Variants in NHSL1 observed in about 807,000 individuals in gnomAD.
The protein encoded by NHSL1 is NHS-like protein 1.
NHSL1 carries 48 observed loss-of-function variants against 95.0 expected under a neutral mutation model. The observed-to-expected ratio is 0.51, with a 90% confidence interval of 0.40 to 0.64. NHSL1 has a LOEUF of 0.64. Among genes scored for constraint, NHSL1 ranks in the 30% least tolerant of loss-of-function variants. NHSL1 has a pLI of 0.00. For synonymous variants in NHSL1, 783 were observed against 833.9 expected, an observed-to-expected ratio of 0.94 and a Z score of 1.05; for missense variants, 1,971 against 2,077.7, an observed-to-expected ratio of 0.95 and a Z score of 1.00.
Position 138,432,796 on chromosome 6 carries a change from G to C in NHSL1, c.1549C>G (p.Pro517Ala). 6.4e-7 allele frequency: 1 copy of C among 1,551,642 alleles called. No homozygotes were observed. Among genetic ancestry groups the C allele is most frequent in the Non-Finnish European group, 8.7e-7 (1 of 1,146,964 alleles). ...ANRENGSQAM[P>A]YNCRNNLAFP... Reference sequence around the variant, plus strand: ...GCCAGGTTGTTTCTACAATTATACGGCATAGCTTGGGACCCATTCTCCCTA... The same window carrying C: ...GCCAGGTTGTTTCTACAATTATACGCCATAGCTTGGGACCCATTCTCCCTA... Residue 517 changes from proline to alanine, a missense_variant, in exon 6 of 8, where the codon CCG (proline) becomes GCG (alanine). Physicochemically the swap from Pro to Ala is conservative, Grantham distance 27 (BLOSUM62 -1). Transcript: ENST00000343505. The surrounding 1 kb of genome is among the most constrained non-coding windows in gnomAD (Gnocchi z 4.4).
At chr6:138,492,874 A>G (rs1780155926) in intron 2 of NHSL1, among the ~76,000 whole-genome samples, 1 of 152,258 alleles carries the variant, frequency 6.6e-6, no homozygotes, top group African/African-American at 2.4e-5. Context: ...ATGATTACTC[A>G]CTGTGAATAC....
At chr6:138,586,529 T>C (rs1211691732) in intron 1 of NHSL1, among the ~76,000 whole-genome samples, 3 of 152,194 alleles carry the variant, frequency 2.0e-5, no homozygotes, top group Non-Finnish European at 2.9e-5. Flanking sequence ...AGAATTAATA[T>C]GTCAATATAT....
intron 1 of NHSL1, among the ~76,000 whole-genome samples, chr6:138,645,603 G>A (rs1785010047): frequency 6.6e-6 from 1 of 151,516 alleles, no homozygotes; most frequent in Non-Finnish European, 1.5e-5. Flanking sequence ...CACCTCCTAG[G>A]TTCAAGCAAT....
At chr6:138,570,370 C>CT (rs1783794674) in intron 1 of NHSL1, among the ~76,000 whole-genome samples, 1 of 152,204 alleles carries the variant, frequency 6.6e-6, no homozygotes, top group Admixed American at 6.5e-5. Flanking sequence ...AAAACCACAG[C>CT]TTATTCCTGA....
At chr6:138,534,315 T>C (rs1185329352) in intron 1 of NHSL1, among the ~76,000 whole-genome samples, 2 of 152,188 alleles carry the variant, frequency 1.3e-5, no homozygotes, top group African/African-American at 4.8e-5. Context: ...GCTTACAATC[T>C]AGTCGTCAAA....
chr6:138,605,890 A>T (rs1185659604), intron 1 of NHSL1, among the ~76,000 whole-genome samples: 1 of 152,240 alleles, frequency 6.6e-6, no homozygotes, highest in Non-Finnish European at 1.5e-5. Context: ...GTGCGTGAGT[A>T]CGAGAGTCAT....
chr6:138,589,724 G>A (rs1166777853), intron 1 of NHSL1, among the ~76,000 whole-genome samples: 1 of 152,044 alleles, frequency 6.6e-6, no homozygotes, highest in South Asian at 2.1e-4. Context: ...TCTTTTTCTA[G>A]ATAATACGCT....
At chr6:138,658,136 TC>T (rs1346164296) in intron 1 of NHSL1, among the ~76,000 whole-genome samples, 1 of 152,110 alleles carries the variant, frequency 6.6e-6, no homozygotes, top group Non-Finnish European at 1.5e-5. Context: ...CTCCACCTCC[TC>T]CTCTGCCCTC....
In NHSL1 at chr6:138,593,113, T is replaced by A. The variant is rs539905466; in HGVS notation, c.97-96742A>T. Among the ~76,000 whole-genome samples the A allele has an allele frequency of 2.2e-4, 33 of 152,342 alleles. No individual in the cohort carries two copies. In the South Asian group the frequency reaches 6.6e-3, roughly 31 times the overall value. ...ACTTCCACACAAACCAGAGAATCAG[T>A]AGAATTCAAAGACTTATTGAATCCT... On this transcript the variant is annotated intron_variant, in intron 1 of 3. Transcript: ENST00000491526.
intron 4 of NHSL1, among the ~76,000 whole-genome samples, chr6:138,442,565 T>G (rs1011094588): frequency 6.6e-6 from 1 of 152,190 alleles, no homozygotes; most frequent in African/African-American, 2.4e-5. Flanking sequence ...AATAAGTAAC[T>G]TAATAAAGAT....
intron 1 of NHSL1, among the ~76,000 whole-genome samples, chr6:138,617,169 G>A (rs763759512): frequency 3.3e-4 from 50 of 152,162 alleles, no homozygotes; most frequent in Non-Finnish European, 5.6e-4. Context: ...AGGAAAAGGT[G>A]ACCACATGGC....
At chr6:138,578,776 G>C (rs959156768) in intron 1 of NHSL1, among the ~76,000 whole-genome samples, 13 of 151,960 alleles carry the variant, frequency 8.6e-5, no homozygotes, top group Admixed American at 5.9e-4. Flanking sequence ...TCAGGTCTGG[G>C]GAAGGGACTG....
intron 1 of NHSL1, among the ~76,000 whole-genome samples, chr6:138,525,171 T>G (rs983328133): frequency 1.3e-5 from 2 of 152,098 alleles, no homozygotes; most frequent in African/African-American, 2.4e-5. Context: ...GAGCTCTAAG[T>G]TCGATTCTGG....
chr6:138,585,598 T>C (rs909005357), intron 1 of NHSL1, among the ~76,000 whole-genome samples: 1 of 152,058 alleles, frequency 6.6e-6, no homozygotes, highest in African/African-American at 2.4e-5. Flanking sequence ...TCTCTTATGT[T>C]CCATCCTAAA....
At chr6:138,446,098 C>T (rs1171258250) in intron 4 of NHSL1, among the ~76,000 whole-genome samples, 3 of 148,536 alleles carry the variant, frequency 2.0e-5, no homozygotes, top group Non-Finnish European at 4.4e-5. Flanking sequence ...TGCAATGGTG[C>T]GATCTCTCGG....
rs1785171017 is a variant in NHSL1, at chr6:138,657,514, G to T, written c.96+34962C>A. ...TATTTGAAAAATGAACTAAATATAG[G>T]TAAGAAAAAAGAGTCTAGGCTGGGC... On this transcript the variant is annotated intron_variant, in intron 1 of 3. Transcript: ENST00000491526. Among the ~76,000 whole-genome samples, 6 of 151,898 alleles carry T rather than the reference G, an allele frequency of 4.0e-5. 1 individual carries two copies. The South Asian group carries it at 1.2e-3, about 32-fold the overall frequency.
chr6:138,678,846 T>C (rs1435588927), intron 1 of NHSL1, among the ~76,000 whole-genome samples: 1 of 152,198 alleles, frequency 6.6e-6, no homozygotes, highest in Admixed American at 6.5e-5. Context: ...AGTGTTACTA[T>C]AAATTATTAA....
At chr6:138,570,825 A>G (rs1783812413) in intron 1 of NHSL1, among the ~76,000 whole-genome samples, 1 of 152,250 alleles carries the variant, frequency 6.6e-6, no homozygotes, top group South Asian at 2.1e-4. Context: ...GGAAAACACA[A>G]TCACGCGGAA....
At chr6:138,462,635 G>A (rs932982866) in intron 3 of NHSL1, among the ~76,000 whole-genome samples, 3 of 152,196 alleles carry the variant, frequency 2.0e-5, no homozygotes, top group Non-Finnish European at 4.4e-5. Context: ...GATTTGAGAA[G>A]GTGTGAAATA....
Sources: gnomAD v4.1 joint callset for allele counts (sites outside exome capture counted in the v4.1 genomes callset) on GRCh38, gnomAD v4.1.1 for gene constraint, Gnocchi (gnomAD v3.1) non-coding constraint, MANE v1.5 for transcripts, NCBI Gene and HGNC (gene_info 2026-07-23, HGNC 2026-07-21) for gene names.